Variants in CACNA1I observed in about 807,000 individuals in gnomAD.
CACNA1I encodes voltage-dependent T-type calcium channel subunit alpha-1I.
A neutral mutation model predicts 201.6 loss-of-function variants in CACNA1I; 74 were observed. The ratio of observed to expected loss-of-function variants is 0.37; its 90% CI spans 0.30 to 0.45. The LOEUF (loss-of-function observed/expected upper bound fraction) is 0.45, where lower values mean the gene tolerates loss of function less well. CACNA1I is among the 20% of genes least tolerant of loss of function. CACNA1I has a pLI of 1.00. For synonymous variants in CACNA1I, 1,431 were observed against 1,345.2 expected, an observed-to-expected ratio of 1.06 and a Z score of -1.40; for missense variants, 2,346 against 3,138.1, an observed-to-expected ratio of 0.75 and a Z score of 6.03.
rs1197267247 is a variant in CACNA1I at position 39,646,882 on chromosome 22, G to A, written c.1462+1G>A. On this transcript the variant is annotated splice_donor_variant, in intron 8 of 36. Coordinates refer to ENST00000402142, the MANE Select transcript of CACNA1I (RefSeq NM_021096.4). LOFTEE classifies it high-confidence loss of function. The stretch of plus-strand genomic sequence containing the variant: ...CACGCCAAGGAGCCCCGGCACTACC[G>A]TAAGTGGCCCTGCATCCGACGCGGC... 1 of 1,488,870 alleles carries A rather than the reference G, an allele frequency of 6.7e-7. No homozygotes were observed. Among genetic ancestry groups the A allele is most frequent in the Non-Finnish European group, 8.9e-7 (1 of 1,122,002 alleles). 92.2% of individuals were successfully genotyped at this position (1,488,870 alleles called of 1,614,324 possible).
chr22:39,649,815 G>A lies in CACNA1I; in HGVS notation c.1882G>A (p.Glu628Lys). 1 of 1,612,342 alleles carries A rather than the reference G, an allele frequency of 6.2e-7. No homozygotes were observed. The highest frequency in any genetic ancestry group is 8.5e-7 in the Non-Finnish European group (1 of 1,179,442). The change falls in exon 10 of 37, where the codon GAG becomes AAG. Residue 628 changes from glutamate (E) to lysine (K), a missense_variant. By Grantham distance (56) the Glu-to-Lys change is moderately conservative. Around this residue, in one of 13 missense-constraint regions of CACNA1I, gnomAD observed 312 missense variants for 331.5 expected, o/e 0.94. Transcript: ENST00000402142. The surrounding 1 kb of genome is among the most constrained non-coding windows in gnomAD (Gnocchi z 7.3). ...AVWLCGDVWR[E>K]TRAKLRGIVD... The stretch of plus-strand genomic sequence containing the variant: ...CTGGCTGTGCGGGGATGTGTGGCGG[G>A]AGACGCGAGCCAAGCTGCGCGGCAT...
At chr22:39,590,435 GGTC>G (rs2145816025) in intron 1 of CACNA1I, among the ~76,000 whole-genome samples, 1 of 152,272 alleles carries the variant, frequency 6.6e-6, no homozygotes, top group East Asian at 1.9e-4. Flanking sequence ...CACAGGCCTG[GGTC>G]CCCAGCAGGG....
chr22:39,614,726 A>G (rs1933481760), intron 3 of CACNA1I, among the ~76,000 whole-genome samples: 1 of 152,146 alleles, frequency 6.6e-6, no homozygotes, highest in Non-Finnish European at 1.5e-5. Flanking sequence ...GAGGCTCTTC[A>G]AGGAATAAGG....
intron 1 of CACNA1I, among the ~76,000 whole-genome samples, chr22:39,579,648 CTTT>C (rs132569): frequency 1.3e-4 from 18 of 141,998 alleles, no homozygotes; most frequent in Non-Finnish European, 1.7e-4. Context: ...CTTTCAAGCT[CTTT>C]TTTTTTTTTT....
At position 39,633,261 on chromosome 22, in the gene CACNA1I, C is replaced by T. The variant is rs534002001; in HGVS notation, c.581-1304C>T. ...CAGGACCTGCTGGGTTCTGGGAATA[C>T]TGAGGTGACTTAGACAAGGGCCCTG... On this transcript the variant is annotated intron_variant, in intron 4 of 36. Transcript: ENST00000402142. Among the ~76,000 whole-genome samples the T allele has an allele frequency of 3.0e-3, 462 of 152,264 alleles. 3 individuals are homozygous for T. Among genetic ancestry groups the T allele is most frequent in the Non-Finnish European group, 4.9e-3 (331 of 68,036 alleles).
At position 39,649,705 on chromosome 22, in the gene CACNA1I, G is replaced by A. The variant is rs1044839610; in HGVS notation, c.1772G>A (p.Gly591Glu). The change falls in exon 10 of 37, where the codon GGG becomes GAG. Residue 591 changes from glycine (G) to glutamate (E), a missense_variant. Physicochemically the swap from Gly to Glu is moderately conservative, Grantham distance 98. This residue lies in a region of CACNA1I where 312 missense variants were observed against 331.5 expected (regional missense o/e 0.94). Coordinates refer to ENST00000402142, the MANE Select transcript of CACNA1I (RefSeq NM_021096.4). The surrounding 1 kb of genome is among the most constrained non-coding windows in gnomAD (Gnocchi z 7.3). ...SSAGGEDEAD[G>E]DGARSSEDGA... ...GCTGGTGGCGAGGACGAGGCGGATG[G>A]GGACGGGGCCCGGAGCAGCGAGGAC... 1.1e-5 allele frequency: 17 copies of A among 1,524,114 alleles called. No homozygotes were observed. Among genetic ancestry groups the A allele is most frequent in the Admixed American group, 4.0e-5 (2 of 49,642 alleles). The allele number at this position is 1,524,114 out of a possible 1,614,324, so 94.4% of individuals were successfully genotyped here. A position where few individuals can be genotyped will look rare whatever the true frequency, so the allele number is the denominator to read the frequency against.
At chr22:39,670,494 C>T (rs1424091381) in intron 25 of CACNA1I, among the ~76,000 whole-genome samples, 2 of 152,182 alleles carry the variant, frequency 1.3e-5, no homozygotes, top group Non-Finnish European at 2.9e-5. Context: ...AAAGGCAGAC[C>T]CTGGGTGCCC....
Position 39,680,941 on chromosome 22 carries a change from T to G in CACNA1I, c.5553T>G (p.Ala1851=). Residue 1851 remains alanine, a synonymous_variant, in exon 34 of 37, where the codon GCT becomes GCG. Coordinates refer to ENST00000402142, the MANE Select transcript of CACNA1I (RefSeq NM_021096.4). ...CHHDKQEVQL[A]ETEAFSLNSD... ...CCCTCTTCCTGCAGGTGCAGCTGGCTGAGACGGAGGCCTTCTCCCTGAACT... is the reference window on the plus strand; with the variant it reads ...CCCTCTTCCTGCAGGTGCAGCTGGCGGAGACGGAGGCCTTCTCCCTGAACT... The G allele has an allele frequency of 1.2e-6, 2 of 1,610,640 alleles. No homozygotes were observed. The highest frequency in any genetic ancestry group is 1.7e-6 in the Non-Finnish European group (2 of 1,179,194).
In CACNA1I at chr22:39,685,905, G is replaced by A. The variant is rs1935849786; in HGVS notation, c.6172G>A (p.Gly2058Ser). ...PPAPAPGPRA[G>S]LSPAARRRLS... ...CGCGCCTGCTCCAGGACCCCGGGCC[G>A]GCCTGTCCCCCGCCGCTCGCCGCCG... Residue 2058 changes from glycine (G) to serine (S), a missense_variant, in exon 37 of 37, where the codon GGC becomes AGC. Transcript: ENST00000402142. The surrounding 1 kb of genome is among the most constrained non-coding windows in gnomAD (Gnocchi z 5.0). 7.3e-7 allele frequency: 1 copy of A among 1,369,958 alleles called. No homozygotes were observed. The highest frequency in any genetic ancestry group is 3.1e-5 in the East Asian group (1 of 32,278). 84.9% of individuals were successfully genotyped at this position (1,369,958 alleles called of 1,614,324 possible).
intron 1 of CACNA1I, among the ~76,000 whole-genome samples, chr22:39,580,932 G>A (rs542464202): frequency 6.6e-5 from 10 of 152,280 alleles, no homozygotes; most frequent in South Asian, 4.1e-4. Context: ...GAGTGGAGGC[G>A]CCCCCAGGCC....
At chr22:39,679,493 G>T in intron 32 of CACNA1I, 48 bp downstream of exon 32, 1 of 1,306,526 alleles carries the variant, frequency 7.7e-7, no homozygotes, top group Non-Finnish European at 1.0e-6. Flanking sequence ...GGGGGGCACC[G>T]CAGGGCCAGA....
chr22:39,671,996 A>G (rs1028301940), intron 26 of CACNA1I, among the ~76,000 whole-genome samples: 1 of 152,250 alleles, frequency 6.6e-6, no homozygotes, highest in African/African-American at 2.4e-5. Context: ...ATACACATAA[A>G]TAAGAAAAAG....
chr22:39,634,871 C>A, intron 5 of CACNA1I, 147 bp downstream of exon 5: 1 of 728,022 alleles, frequency 1.4e-6, no homozygotes, highest in Non-Finnish European at 2.2e-6. Flanking sequence ...GAAGTTAAGA[C>A]ACAAGCAGAA....
In CACNA1I at chr22:39,647,840, A is replaced by G. The variant is rs1191346784; in HGVS notation, c.1481A>G (p.Gln494Arg). 1.9e-6 allele frequency: 3 copies of G among 1,607,750 alleles called. No individual in the cohort carries two copies. The highest frequency in any genetic ancestry group is 2.6e-6 in the Non-Finnish European group (3 of 1,174,442). Residue 494 changes from glutamine (Q) to arginine (R), a missense_variant, in exon 9 of 37, where the codon CAG becomes CGG. This residue lies in a region of CACNA1I where 312 missense variants were observed against 331.5 expected (regional missense o/e 0.94). Transcript: ENST00000402142. ...TTTTCAGATGGGAAGACTAAGGGTC[A>G]GGGAGATGAAGGGAGACATCTCGGA... Reference protein sequence around the residue: ...PRHYHGKTKGQGDEGRHLGSR... With the variant: ...PRHYHGKTKGRGDEGRHLGSR...
At position 39,612,755 on chromosome 22, in the gene CACNA1I, A is replaced by G. The variant is rs548157375; in HGVS notation, c.483-6555A>G. Among the ~76,000 whole-genome samples the G allele has an allele frequency of 3.9e-5, 6 of 152,332 alleles. No homozygotes were observed. The South Asian group carries it at 1.2e-3, about 32-fold the overall frequency. On this transcript the variant is annotated intron_variant, in intron 3 of 36. Coordinates refer to ENST00000402142, the MANE Select transcript of CACNA1I (RefSeq NM_021096.4). The stretch of plus-strand genomic sequence containing the variant: ...TATTCAGACCATAGCAATGGGTGAA[A>G]TGACCCATAAATCATGAGGTGCTGG...
chr22:39,651,942 A>G (rs1319653657), intron 10 of CACNA1I, among the ~76,000 whole-genome samples: 1 of 152,092 alleles, frequency 6.6e-6, no homozygotes, highest in African/African-American at 2.4e-5. Context: ...GCCTCAGGCC[A>G]GGCCACGGTC....
chr22:39,681,609 C>T (rs1280734104), intron 34 of CACNA1I, among the ~76,000 whole-genome samples: 1 of 152,086 alleles, frequency 6.6e-6, no homozygotes, highest in Non-Finnish European at 1.5e-5. Context: ...CCCAGGGGGT[C>T]AGTCTGAGGA....
chr22:39,627,094 C>T (rs1299730836), intron 4 of CACNA1I, among the ~76,000 whole-genome samples: 6 of 152,210 alleles, frequency 3.9e-5, no homozygotes, highest in African/African-American at 1.2e-4. Flanking sequence ...ATCTCCTTTC[C>T]GTTCTTTTAG....
chr22:39,579,039 C>A (rs140093688), intron 1 of CACNA1I, among the ~76,000 whole-genome samples: 1 of 152,232 alleles, frequency 6.6e-6, no homozygotes, highest in Non-Finnish European at 1.5e-5. Context: ...TGGGCCCTGC[C>A]CTTCTGTCCT....
Sources: allele counts gnomAD v4.1 joint callset (sites outside exome capture counted in the v4.1 genomes callset), GRCh38; gene constraint gnomAD v4.1.1; regional missense constraint gnomAD v4.1.1; non-coding constraint Gnocchi (gnomAD v3.1); transcripts MANE v1.5; gene names NCBI Gene and HGNC (gene_info 2026-07-23, HGNC 2026-07-21).